Variants in SPATA1 observed in about 807,000 individuals in gnomAD.
The protein encoded by SPATA1 is spermatogenesis associated 1.
A neutral mutation model predicts 59.6 loss-of-function variants in SPATA1; 57 were observed. The ratio of observed to expected loss-of-function variants is 0.96; its 90% CI spans 0.77 to 1.19. SPATA1 has a LOEUF of 1.19. Among genes scored for constraint, SPATA1 ranks in the 50% most tolerant of loss-of-function variants. SPATA1 has a pLI of 0.00. For synonymous variants in SPATA1, 147 were observed against 163.9 expected (o/e 0.90, Z 0.79); for missense variants, 448 against 480.7 (o/e 0.93, Z 0.64).
chr1:84,533,587 C>G (rs889868356), intron 7 of SPATA1, 122 bp from the exon 8 acceptor site: 1 of 753,696 alleles, frequency 1.3e-6, no homozygotes. Flanking sequence ...TGGTCTCAGG[C>G]TGACTTTGAA....
intron 6 of SPATA1, among the ~76,000 whole-genome samples, chr1:84,531,383 G>A (rs941344574): frequency 3.2e-4 from 49 of 151,790 alleles, no homozygotes; most frequent in Middle Eastern, 3.4e-3. Context: ...GGCTGATCTT[G>A]AACTTCTGAC....
At chr1:84,544,287 C>A in exon 9 of SPATA1, 1 of 1,575,288 alleles carries the variant, frequency 6.3e-7, no homozygotes, top group Non-Finnish European at 8.6e-7. Context: ...ACTGATATAT[C>A]TTTATTACAA....
At chr1:84,539,174 T>A (rs1447681587) in intron 8 of SPATA1, among the ~76,000 whole-genome samples, 1 of 152,114 alleles carries the variant, frequency 6.6e-6, no homozygotes, top group South Asian at 2.1e-4. Context: ...CTGAATGGAG[T>A]CTGTACAAGC....
chr1:84,526,629 G>C (rs1299448292), intron 6 of SPATA1, among the ~76,000 whole-genome samples: 4 of 152,076 alleles, frequency 2.6e-5, no homozygotes, highest in African/African-American at 9.7e-5. Context: ...CATTTTAGGA[G>C]GCCAAGGTGG....
chr1:84,508,929 ATGGG>A (rs1682406317), intron 1 of SPATA1, among the ~76,000 whole-genome samples: 1 of 152,210 alleles, frequency 6.6e-6, no homozygotes, highest in Non-Finnish European at 1.5e-5. Context: ...CACAAAAAAA[ATGGG>A]AAGATACTCC....
At chr1:84,553,025 C>T (rs923292302) in intron 12 of SPATA1, 20 of 1,494,426 alleles carry the variant, frequency 1.3e-5, no homozygotes, top group Non-Finnish European at 1.7e-5. Flanking sequence ...AAAAGTAATT[C>T]TTTTTATAGA....
At chr1:84,542,373 C>T (rs967876739) in intron 8 of SPATA1, among the ~76,000 whole-genome samples, 3 of 152,026 alleles carry the variant, frequency 2.0e-5, no homozygotes, top group Admixed American at 6.5e-5. Flanking sequence ...AAACTGGCTC[C>T]CAAGGACATC....
chr1:84,565,061 A>G (rs542637360), intron 4 of SPATA1, among the ~76,000 whole-genome samples: 1 of 152,008 alleles, frequency 6.6e-6, no homozygotes, highest in East Asian at 1.9e-4. Flanking sequence ...AAATGAAAAT[A>G]TTAGCTGGGC....
At chr1:84,517,597 C>A (rs1682851212) in intron 2 of SPATA1, among the ~76,000 whole-genome samples, 1 of 152,012 alleles carries the variant, frequency 6.6e-6, no homozygotes. Flanking sequence ...CAAATCTATC[C>A]TTTAAGTATC....
At chr1:84,563,952 A>G in intron 4 of SPATA1, 2 of 1,096,936 alleles carry the variant, frequency 1.8e-6, no homozygotes, top group South Asian at 6.3e-5. Flanking sequence ...AAAAACACTA[A>G]TATTGTTTAA....
chr1:84,524,819 A>G (rs980690609), intron 4 of SPATA1, among the ~76,000 whole-genome samples: 2 of 152,136 alleles, frequency 1.3e-5, no homozygotes, highest in African/African-American at 2.4e-5. Context: ...AACATGTATC[A>G]CCATCCTAAA....
chr1:84,565,223 A>C (rs530499650), intron 4 of SPATA1, among the ~76,000 whole-genome samples: 7 of 152,166 alleles, frequency 4.6e-5, no homozygotes, highest in African/African-American at 1.7e-4. Context: ...AAAAAAAAAA[A>C]CAAAAGAACA....
At chr1:84,563,384 C>G (rs148118320) in intron 4 of SPATA1, 2 of 1,574,830 alleles carry the variant, frequency 1.3e-6, no homozygotes, top group Non-Finnish European at 8.6e-7. Context: ...AGGAGCCCCC[C>G]GGAAAGGGAC....
chr1:84,518,220 C>T (rs531638784), intron 2 of SPATA1, among the ~76,000 whole-genome samples: 3 of 152,134 alleles, frequency 2.0e-5, no homozygotes, highest in South Asian at 2.1e-4. Context: ...TTTTAAAAAA[C>T]GTAACAACCA....
chr1:84,550,090 TTAAG>T (rs142708453), intron 11 of SPATA1: 2,361 of 154,828 alleles, frequency 0.015, 76 homozygotes, highest in African/African-American at 0.054. Context: ...TATCATATTA[TTAAG>T]TATTTTAAAA....
At chr1:84,537,959 A>C (rs1412689856) in intron 8 of SPATA1, among the ~76,000 whole-genome samples, 2 of 152,192 alleles carry the variant, frequency 1.3e-5, no homozygotes, top group Non-Finnish European at 2.9e-5. Flanking sequence ...CATGGGCAAT[A>C]AGGAATGTTA....
chr1:84,548,097 G>T (rs546413863), intron 10 of SPATA1, among the ~76,000 whole-genome samples: 3 of 152,126 alleles, frequency 2.0e-5, no homozygotes, highest in Non-Finnish European at 4.4e-5. Context: ...GGATAATAGA[G>T]CATGAGATAA....
intron 4 of SPATA1, among the ~76,000 whole-genome samples, chr1:84,524,318 A>G (rs190713654): frequency 6.6e-6 from 1 of 152,278 alleles, no homozygotes; most frequent in East Asian, 1.9e-4. Flanking sequence ...AATAGTGGAG[A>G]GCAAGTTGTA....
chr1:84,533,840 T>A, intron 8 of SPATA1, 74 bp downstream of exon 8: 1 of 898,890 alleles, frequency 1.1e-6, no homozygotes, highest in Non-Finnish European at 1.7e-6. Context: ...AAACTGAAAC[T>A]GCAGATTAAA....
Sources: allele counts gnomAD v4.1 joint callset (sites outside exome capture counted in the v4.1 genomes callset), GRCh38; gene constraint gnomAD v4.1.1; transcripts MANE v1.5; gene names NCBI Gene and HGNC (gene_info 2026-07-23, HGNC 2026-07-21).